AGBL1: variants seen among roughly 807,000 people sequenced by gnomAD.
AGBL1 encodes the protein cytosolic carboxypeptidase 4.
In AGBL1, 130 loss-of-function variants were observed where a neutral mutation model predicts 118.9. The ratio of observed to expected loss-of-function variants is 1.09; its 90% CI spans 0.95 to 1.26. AGBL1 has a LOEUF of 1.26. AGBL1 is among the 50% of genes most tolerant of loss of function. AGBL1 has a pLI of 0.00. For missense variants in AGBL1, 1,584 were observed against 1,298.1 expected (o/e 1.22, Z -3.38); for synonymous variants, 555 against 478.9 (o/e 1.16, Z -2.08).
intron 1 of AGBL1, among the ~76,000 whole-genome samples, chr15:86,124,272 G>T (rs904420591): frequency 6.7e-6 from 1 of 148,316 alleles, no homozygotes; most frequent in Non-Finnish European, 1.5e-5. Flanking sequence ...AGAGGTTGCA[G>T]TGAGCTGAGA....
intron 22 of AGBL1, among the ~76,000 whole-genome samples, chr15:86,755,331 G>A (rs1291854410): frequency 6.6e-6 from 1 of 152,100 alleles, no homozygotes; most frequent in Non-Finnish European, 1.5e-5. Flanking sequence ...TTCATTTGAA[G>A]TTTGAGTTAT....
chr15:86,263,498 T>A (rs1731788016), intron 10 of AGBL1, among the ~76,000 whole-genome samples: 1 of 152,256 alleles, frequency 6.6e-6, no homozygotes, highest in African/African-American at 2.4e-5. Context: ...CACTGCCTAT[T>A]GTCTGGTGGG....
At chr15:87,006,525 G>C (rs1406877014) in intron 24 of AGBL1, among the ~76,000 whole-genome samples, 2 of 152,188 alleles carry the variant, frequency 1.3e-5, no homozygotes, top group Non-Finnish European at 2.9e-5. Context: ...TGTGCTGTTT[G>C]CTAAGATTAT....
chr15:86,968,556 T>G (rs1482254532), intron 23 of AGBL1, among the ~76,000 whole-genome samples: 1 of 151,126 alleles, frequency 6.6e-6, no homozygotes, highest in Non-Finnish European at 1.5e-5. Context: ...AAAATGATCT[T>G]AGGCCCCGTG....
chr15:86,450,975 C>T (rs1287020242), intron 18 of AGBL1, among the ~76,000 whole-genome samples: 2 of 152,046 alleles, frequency 1.3e-5, no homozygotes, highest in African/African-American at 4.8e-5. Flanking sequence ...GGTTTGTCAT[C>T]AGCTAATTAT....
intron 18 of AGBL1, among the ~76,000 whole-genome samples, chr15:86,399,048 AG>A (rs2081406713): frequency 6.6e-6 from 1 of 152,056 alleles, no homozygotes; most frequent in Non-Finnish European, 1.5e-5. Flanking sequence ...GGCAGAGAGC[AG>A]GGTTTCTTCT....
chr15:86,703,660 A>G (rs992015535), intron 22 of AGBL1, among the ~76,000 whole-genome samples: 5 of 152,022 alleles, frequency 3.3e-5, no homozygotes, highest in African/African-American at 9.7e-5. Context: ...GTTTTTTCCC[A>G]TGCTGTTCTT....
At chr15:86,353,069 A>G (rs921421792) in intron 17 of AGBL1, among the ~76,000 whole-genome samples, 3 of 152,170 alleles carry the variant, frequency 2.0e-5, no homozygotes, top group African/African-American at 7.2e-5. Context: ...TATATATGAA[A>G]CTCAGGAGGA....
chr15:86,745,050 A>G (rs952185927), intron 22 of AGBL1, among the ~76,000 whole-genome samples: 1 of 152,128 alleles, frequency 6.6e-6, no homozygotes, highest in East Asian at 1.9e-4. Context: ...GTAATAGAGT[A>G]TGTCTTTCCG....
chr15:86,506,250 C>T (rs2082975229), intron 18 of AGBL1, among the ~76,000 whole-genome samples: 1 of 151,948 alleles, frequency 6.6e-6, no homozygotes, highest in South Asian at 2.1e-4. Flanking sequence ...GCACATAGCC[C>T]TGAGTGTACA....
intron 21 of AGBL1, among the ~76,000 whole-genome samples, chr15:86,614,339 G>A (rs1046150254): frequency 6.9e-6 from 1 of 145,244 alleles, no homozygotes; most frequent in Non-Finnish European, 1.6e-5. Context: ...TAATATTGCT[G>A]TTCACATGAA....
rs546596833 is a variant in AGBL1, at chr15:86,289,781, C to T, written c.2221-5474C>T. Among the ~76,000 whole-genome samples the T allele has an allele frequency of 1.6e-4, 25 of 152,270 alleles. 1 individual carries two copies. Among genetic ancestry groups the T allele is most frequent in the Middle Eastern group, 3.4e-3 (1 of 294 alleles). On this transcript the variant is annotated intron_variant, in intron 16 of 22. Transcript: ENST00000614907. The stretch of plus-strand genomic sequence containing the variant: ...AAGGACCTTTGTCATTACCCTGCAC[C>T]CAACCTGATGATCCAGGATAGTCTC...
intron 8 of AGBL1, 31 bp downstream of exon 8, chr15:86,257,049 G>T: frequency 1.3e-6 from 2 of 1,596,308 alleles, no homozygotes; most frequent in Admixed American, 1.7e-5. Flanking sequence ...TGACCTTTAA[G>T]ATGAGTTTTT....
chr15:86,128,782 G>A (rs1212450959), intron 1 of AGBL1, among the ~76,000 whole-genome samples: 3 of 152,092 alleles, frequency 2.0e-5, no homozygotes, highest in African/African-American at 7.2e-5. Flanking sequence ...AGAATGAAGG[G>A]AACTGGGGTA....
intron 18 of AGBL1, among the ~76,000 whole-genome samples, chr15:86,418,403 G>A (rs923105023): frequency 6.6e-6 from 1 of 152,112 alleles, no homozygotes; most frequent in East Asian, 1.9e-4. Context: ...CTAATAACCT[G>A]TCAAAGTGTG....
chr15:86,447,965 C>A (rs557196087), intron 18 of AGBL1, among the ~76,000 whole-genome samples: 1 of 152,034 alleles, frequency 6.6e-6, no homozygotes, highest in African/African-American at 2.4e-5. Flanking sequence ...GGCAACATAA[C>A]GAGACCTCGA....
intron 19 of AGBL1, among the ~76,000 whole-genome samples, chr15:86,545,479 T>C (rs1335451565): frequency 6.6e-6 from 1 of 152,168 alleles, no homozygotes; most frequent in Non-Finnish European, 1.5e-5. Context: ...AGCTTTGTTG[T>C]ACAGACTGTT....
chr15:86,197,986 G>A (rs2077842549), intron 5 of AGBL1, among the ~76,000 whole-genome samples: 1 of 152,168 alleles, frequency 6.6e-6, no homozygotes, highest in African/African-American at 2.4e-5. Flanking sequence ...GGCCCAGGGT[G>A]CAAGGTTGGG....
At chr15:86,882,443 T>TA (rs74580330) in intron 22 of AGBL1, among the ~76,000 whole-genome samples, 2,831 of 152,264 alleles carry the variant, frequency 0.019, 93 homozygotes, top group East Asian at 0.16. Context: ...TTTCTCCCAG[T>TA]AAAAAATTGT....
Sources: gnomAD v4.1 joint callset for allele counts (sites outside exome capture counted in the v4.1 genomes callset) on GRCh38, gnomAD v4.1.1 for gene constraint, MANE v1.5 for transcripts, NCBI Gene and HGNC (gene_info 2026-07-23, HGNC 2026-07-21) for gene names.